SCAF4: variants seen among roughly 807,000 people sequenced by gnomAD.
SCAF4 encodes SR-related and CTD-associated factor 4.
A neutral mutation model predicts 129.8 loss-of-function variants in SCAF4; 25 were observed. That is an observed-to-expected ratio of 0.19 (90% confidence interval 0.14 to 0.27). The LOEUF is 0.27. SCAF4 is among the 10% of genes least tolerant of loss of function. The pLI, the probability that SCAF4 is intolerant of heterozygous loss-of-function variation, is 1.00. For synonymous variants in SCAF4, 551 were observed against 497.7 expected (o/e 1.11, Z -1.43); for missense variants, 1,246 against 1,457.1 (o/e 0.86, Z 2.36).
At chr21:31,695,973 T>C (rs2050374923) in intron 9 of SCAF4, 140 bp downstream of exon 9, 1 of 513,032 alleles carries the variant, frequency 1.9e-6, no homozygotes, top group Non-Finnish European at 3.4e-6. Context: ...CAACTCAAAA[T>C]AGTTACGTGT....
chr21:31,695,619 A>G (rs1192333865), intron 9 of SCAF4, among the ~76,000 whole-genome samples: 1 of 152,218 alleles, frequency 6.6e-6, no homozygotes, highest in African/African-American at 2.4e-5. Context: ...CCCCATCCCC[A>G]TAATTTAGAT....
chr21:31,684,871 TAAGAGG>T, intron 19 of SCAF4, 172 bp downstream of exon 19: 1 of 587,072 alleles, frequency 1.7e-6, no homozygotes, highest in South Asian at 2.1e-5. Context: ...TATTTGACTT[TAAGAGG>T]AAGATCTTCC....
Position 31,717,854 on chromosome 21 carries a change from C to T in SCAF4, c.31-11497G>A, listed in dbSNP as rs1358050017. ...ATATATATATATATACACACACACA[C>T]ACACACACACACACACATATACACA... On this transcript the variant is annotated intron_variant, in intron 1 of 19. Coordinates refer to ENST00000286835, the MANE Select transcript of SCAF4 (RefSeq NM_020706.2). 3.1e-5 allele frequency among the ~76,000 whole-genome samples: 4 copies of T among 130,442 alleles called. 1 individual carries two copies. Among genetic ancestry groups the T allele is most frequent in the African/African-American group, 9.9e-5 (3 of 30,370 alleles). 85.6% of individuals were successfully genotyped at this position (130,442 alleles called of 152,430 possible). A position where few individuals can be genotyped will look rare whatever the true frequency, so the allele number is the denominator to read the frequency against.
At position 31,671,387 on chromosome 21, in the gene SCAF4, A is replaced by C. The variant is rs910820335; in HGVS notation, c.*12T>G. 1 of 1,609,114 alleles carries C rather than the reference A, an allele frequency of 6.2e-7. No homozygotes were observed. Among genetic ancestry groups the C allele is most frequent in the Non-Finnish European group, 8.5e-7 (1 of 1,177,338 alleles). On this transcript the variant is annotated 3_prime_UTR_variant, in exon 20 of 20. Coordinates refer to ENST00000286835, the MANE Select transcript of SCAF4 (RefSeq NM_020706.2). Reference sequence around the variant, plus strand: ...GGAAGTGTCACTGTCACATTTTCACAAATTCCAGTCTCTAACGAGGAGCCT... The same window carrying C: ...GGAAGTGTCACTGTCACATTTTCACCAATTCCAGTCTCTAACGAGGAGCCT...
At chr21:31,682,202 A>C (rs2050010947) in intron 19 of SCAF4, among the ~76,000 whole-genome samples, 1 of 152,098 alleles carries the variant, frequency 6.6e-6, no homozygotes, top group South Asian at 2.1e-4. Context: ...AACATGGTGA[A>C]ACCCTGTCTC....
At chr21:31,681,328 C>T (rs144390315) in intron 19 of SCAF4, among the ~76,000 whole-genome samples, 2 of 152,204 alleles carry the variant, frequency 1.3e-5, no homozygotes, top group Non-Finnish European at 2.9e-5. Flanking sequence ...TTTGGATATA[C>T]TGGTAACACA....
intron 1 of SCAF4, among the ~76,000 whole-genome samples, chr21:31,725,149 T>C (rs1283608027): frequency 1.3e-5 from 2 of 152,196 alleles, no homozygotes; most frequent in African/African-American, 4.8e-5. Context: ...TTACTGCCAA[T>C]AATCGACCTG....
At chr21:31,725,638 G>A (rs919269077) in intron 1 of SCAF4, among the ~76,000 whole-genome samples, 6 of 152,168 alleles carry the variant, frequency 3.9e-5, no homozygotes, top group Non-Finnish European at 8.8e-5. Context: ...AGGTCTTTGA[G>A]TCCCTTTCCG....
intron 1 of SCAF4, among the ~76,000 whole-genome samples, chr21:31,720,043 T>C (rs2051033834): frequency 6.6e-6 from 1 of 152,228 alleles, no homozygotes; most frequent in Non-Finnish European, 1.5e-5. Context: ...AAATGTTTTA[T>C]CCATGCCAGT....
intron 1 of SCAF4, among the ~76,000 whole-genome samples, chr21:31,717,866 CACACATATACACAT>C (rs1285752494): frequency 2.7e-5 from 3 of 109,320 alleles, no homozygotes; most frequent in Non-Finnish European, 5.2e-5. Context: ...CACACACACA[CACACATATACACAT>C]ATATACACAT....
intron 1 of SCAF4, among the ~76,000 whole-genome samples, chr21:31,707,126 T>C (rs776509018): frequency 6.6e-5 from 10 of 152,186 alleles, no homozygotes; most frequent in Non-Finnish European, 1.5e-4. Flanking sequence ...TTTGACTGTC[T>C]TGGGTGTCAG....
Position 31,671,364 on chromosome 21 carries a change from A to C in SCAF4, c.*35T>G, listed in dbSNP as rs1367380733. 6.3e-7 allele frequency: 1 copy of C among 1,596,318 alleles called. No homozygotes were observed. The highest frequency in any genetic ancestry group is 1.3e-5 in the African/African-American group (1 of 74,786). ...TACACCTCAAGCTCTACACTCCAGG[A>C]AGTGTCACTGTCACATTTTCACAAA... is the stretch of plus-strand genomic sequence containing the variant. On this transcript the variant is annotated 3_prime_UTR_variant, in exon 20 of 20. Transcript: ENST00000286835.
Position 31,692,446 on chromosome 21 carries a change from C to T in SCAF4, c.1517G>A (p.Cys506Tyr). The change falls in exon 13 of 20, where the codon TGC becomes TAC. Residue 506 changes from cysteine (C) to tyrosine (Y), a missense_variant. By Grantham distance (194) the Cys-to-Tyr change is radical. Around this residue, in one of 6 missense-constraint regions of SCAF4, gnomAD observed 468 missense variants for 605.5 expected, o/e 0.77. Coordinates refer to ENST00000286835, the MANE Select transcript of SCAF4 (RefSeq NM_020706.2). The stretch of plus-strand genomic sequence containing the variant: ...CTGCCCCACCCAGAGGGTAGTACTG[C>T]AAACTTAAAATAAAATTACAATCAT... ...PQVKPETASV[C>Y]STTLWVGQLD... 6.2e-7 allele frequency: 1 copy of T among 1,607,740 alleles called. No individual in the cohort carries two copies. Among genetic ancestry groups the T allele is most frequent in the Non-Finnish European group, 8.5e-7 (1 of 1,174,518 alleles).
intron 13 of SCAF4, chr21:31,692,134 T>C (rs754750361): frequency 1.2e-4 from 72 of 592,022 alleles, no homozygotes; most frequent in Non-Finnish European, 1.7e-4. Context: ...CTAGAAATGT[T>C]TGAAATTAAA....
At position 31,672,028 on chromosome 21, in the gene SCAF4, C is replaced by T. The variant is rs778219665; in HGVS notation, c.2815G>A (p.Gly939Arg). Residue 939 changes from glycine to arginine, a missense_variant, in exon 20 of 20, where the codon GGA (glycine) becomes AGA (arginine). By Grantham distance (125) the Gly-to-Arg change is moderately radical. Transcript: ENST00000286835. ...GGCTGCTGCGGCGGCTGTTGCCTTC[C>T]GTCTCTGTCTTCAGGACCCCCTGGG... Reference protein sequence around the residue: ...PGPGGPEDRDGRQQPPQQPQQ... With the variant: ...PGPGGPEDRDRRQQPPQQPQQ... 103 of 1,613,218 alleles carry T rather than the reference C, an allele frequency of 6.4e-5. No individual in the cohort carries two copies. The highest frequency in any genetic ancestry group is 7.6e-5 in the Non-Finnish European group (90 of 1,179,652).
At chr21:31,727,168 T>G (rs1044199023) in intron 1 of SCAF4, among the ~76,000 whole-genome samples, 2 of 152,118 alleles carry the variant, frequency 1.3e-5, no homozygotes, top group African/African-American at 2.4e-5. Context: ...AACCTCTGCC[T>G]CCAGGGTTCA....
intron 1 of SCAF4, among the ~76,000 whole-genome samples, chr21:31,707,090 G>A (rs1327070330): frequency 6.6e-6 from 1 of 152,190 alleles, no homozygotes; most frequent in Non-Finnish European, 1.5e-5. Flanking sequence ...CCAGAACAGA[G>A]TGTGGGATGT....
At chr21:31,719,290 CA>C (rs150901623) in intron 1 of SCAF4, among the ~76,000 whole-genome samples, 1 of 143,452 alleles carries the variant, frequency 7.0e-6, no homozygotes, top group Non-Finnish European at 1.5e-5. Flanking sequence ...AACTCTGTCC[CA>C]AAAAAAAACA....
At chr21:31,722,730 T>C (rs981622112) in intron 1 of SCAF4, among the ~76,000 whole-genome samples, 10 of 151,692 alleles carry the variant, frequency 6.6e-5, no homozygotes, top group South Asian at 2.1e-4. Context: ...CTGAGGCAGG[T>C]GGATCACGAG....
Sources: allele counts gnomAD v4.1 joint callset (sites outside exome capture counted in the v4.1 genomes callset), GRCh38; gene constraint gnomAD v4.1.1; regional missense constraint gnomAD v4.1.1; transcripts MANE v1.5; gene names NCBI Gene and HGNC (gene_info 2026-07-23, HGNC 2026-07-21).